SLC30A8: variants seen among roughly 807,000 people sequenced by gnomAD.
SLC30A8 encodes proton-coupled zinc antiporter SLC30A8.
A neutral mutation model predicts 36.9 loss-of-function variants in SLC30A8; 27 were observed. The observed-to-expected ratio is 0.73, with a 90% CI of 0.54 to 1.01. The LOEUF (loss-of-function observed/expected upper bound fraction) is 1.01. SLC30A8 is among the 50% of genes least tolerant of loss of function. The probability of loss-of-function intolerance (pLI) is 0.00; values close to 1 mark genes in which losing one functional copy is unlikely to be tolerated. For synonymous variants in SLC30A8, 164 were observed against 172.4 expected (o/e 0.95, Z 0.38); for missense variants, 439 against 452.0 (o/e 0.97, Z 0.26).
chr8:117,118,591 C>T (rs1416814534), intron 2 of SLC30A8, among the ~76,000 whole-genome samples: 1 of 151,738 alleles, frequency 6.6e-6, no homozygotes, highest in Non-Finnish European at 1.5e-5. Flanking sequence ...CCAGATAAGT[C>T]ATATTTTCAG....
At chr8:117,013,293 C>A (rs1052798968) in intron 1 of SLC30A8, among the ~76,000 whole-genome samples, 2 of 152,170 alleles carry the variant, frequency 1.3e-5, no homozygotes, top group Non-Finnish European at 2.9e-5. Flanking sequence ...CTGTATACAG[C>A]TCACCTTCCT....
intron 1 of SLC30A8, among the ~76,000 whole-genome samples, chr8:117,135,796 T>A (rs916228042): frequency 1.3e-5 from 2 of 151,964 alleles, no homozygotes; most frequent in Non-Finnish European, 2.9e-5. Flanking sequence ...GTATTGATCT[T>A]AAAATGAGCT....
chr8:117,165,341 G>A (rs1823005700), intron 6 of SLC30A8, among the ~76,000 whole-genome samples: 1 of 152,130 alleles, frequency 6.6e-6, no homozygotes, highest in Admixed American at 6.5e-5. Flanking sequence ...TGGAATATAG[G>A]AAATATGAAG....
chr8:117,010,841 T>C lies in SLC30A8; in HGVS notation c.-265-28378T>C, dbSNP rs1418345521. ...AGCAAAAGAGAGATGGGGGAAGTGCTGTACACTTTTAAACAACCAGCTCTT... is the reference window on the plus strand; with the variant it reads ...AGCAAAAGAGAGATGGGGGAAGTGCCGTACACTTTTAAACAACCAGCTCTT... On this transcript the variant is annotated intron_variant, in intron 1 of 10. Transcript: ENST00000427715. Among the ~76,000 whole-genome samples, 7 of 152,164 alleles carry C rather than the reference T, an allele frequency of 4.6e-5. No individual in the cohort carries two copies. In the East Asian group the frequency reaches 9.6e-4, roughly 21 times the overall value.
chr8:117,068,173 A>G (rs1180498205), intron 2 of SLC30A8, among the ~76,000 whole-genome samples: 1 of 152,098 alleles, frequency 6.6e-6, no homozygotes, highest in Non-Finnish European at 1.5e-5. Context: ...TTACATTCCT[A>G]CCCATTAAGA....
chr8:117,069,365 G>A (rs1294851113), intron 2 of SLC30A8, among the ~76,000 whole-genome samples: 1 of 152,152 alleles, frequency 6.6e-6, no homozygotes, highest in Non-Finnish European at 1.5e-5. Context: ...AATTATCAAG[G>A]ATCACCTTAC....
At chr8:117,032,978 T>C (rs1817103030) in intron 1 of SLC30A8, among the ~76,000 whole-genome samples, 1 of 152,080 alleles carries the variant, frequency 6.6e-6, no homozygotes, top group Non-Finnish European at 1.5e-5. Flanking sequence ...CTGTAGCTAA[T>C]GTCAGAGGAA....
intron 6 of SLC30A8, 77 bp downstream of exon 6, chr8:117,163,607 G>T: frequency 9.9e-7 from 1 of 1,006,722 alleles, no homozygotes; most frequent in Admixed American, 2.6e-5. Context: ...TGGCTACAAG[G>T]CATGCTCACT....
At chr8:117,104,469 AG>A (rs1452909747) in intron 2 of SLC30A8, among the ~76,000 whole-genome samples, 3 of 152,128 alleles carry the variant, frequency 2.0e-5, no homozygotes, top group Non-Finnish European at 4.4e-5. Flanking sequence ...ACTTCACCAA[AG>A]CATCTTCAAT....
chr8:117,136,920 G>A, intron 1 of SLC30A8, among the ~76,000 whole-genome samples: 1 of 151,876 alleles, frequency 6.6e-6, no homozygotes, highest in East Asian at 1.9e-4. Context: ...TTCTTGTCAA[G>A]GGAAATAAAT....
chr8:116,985,300 A>G (rs1815405531), intron 1 of SLC30A8, among the ~76,000 whole-genome samples: 1 of 120,346 alleles, frequency 8.3e-6, no homozygotes, highest in Non-Finnish European at 1.5e-5. Flanking sequence ...ACATACACAC[A>G]CACACACACA....
chr8:117,114,143 TAGAAC>T (rs1274578971), intron 2 of SLC30A8, among the ~76,000 whole-genome samples: 2 of 152,132 alleles, frequency 1.3e-5, no homozygotes, highest in Non-Finnish European at 2.9e-5. Context: ...ACACAGCACT[TAGAAC>T]AGAAGCTCTT....
At chr8:117,104,915 ATGT>A (rs1224726417) in intron 2 of SLC30A8, among the ~76,000 whole-genome samples, 2 of 152,178 alleles carry the variant, frequency 1.3e-5, no homozygotes, top group Admixed American at 1.3e-4. Context: ...TAACTTCCTG[ATGT>A]TGTCATGGCA....
At chr8:117,078,106 A>C (rs1818547188) in intron 2 of SLC30A8, among the ~76,000 whole-genome samples, 1 of 152,234 alleles carries the variant, frequency 6.6e-6, no homozygotes, top group African/African-American at 2.4e-5. Context: ...TTTATGATAA[A>C]AATCTATGAT....
intron 4 of SLC30A8, among the ~76,000 whole-genome samples, chr8:117,158,672 G>A (rs1296955935): frequency 1.3e-5 from 2 of 152,190 alleles, no homozygotes; most frequent in African/African-American, 4.8e-5. Context: ...CTACTGGATT[G>A]CCCAGGCAAT....
chr8:116,983,296 G>A (rs899277851), intron 1 of SLC30A8, among the ~76,000 whole-genome samples: 2 of 151,880 alleles, frequency 1.3e-5, no homozygotes, highest in African/African-American at 4.8e-5. Context: ...ATTTTTAATT[G>A]TAATTCCTGG....
intron 1 of SLC30A8, among the ~76,000 whole-genome samples, chr8:117,026,474 C>T (rs1816876649): frequency 6.6e-6 from 1 of 152,158 alleles, no homozygotes; most frequent in South Asian, 2.1e-4. Flanking sequence ...TAGATCAATA[C>T]TCAAACTAAT....
intron 2 of SLC30A8, among the ~76,000 whole-genome samples, chr8:117,055,071 A>G (rs182316717): frequency 1.3e-5 from 2 of 152,314 alleles, no homozygotes; most frequent in Non-Finnish European, 2.9e-5. Context: ...AAATGGGTGG[A>G]TAAAATTGAA....
chr8:116,995,189 T>G (rs956524996), intron 1 of SLC30A8, among the ~76,000 whole-genome samples: 3 of 152,108 alleles, frequency 2.0e-5, no homozygotes, highest in African/African-American at 7.3e-5. Flanking sequence ...GAGATGGCTG[T>G]GATGCCATTT....
Sources: gnomAD v4.1 joint callset for allele counts (sites outside exome capture counted in the v4.1 genomes callset) on GRCh38, gnomAD v4.1.1 for gene constraint, MANE v1.5 for transcripts, NCBI Gene and HGNC (gene_info 2026-07-23, HGNC 2026-07-21) for gene names.